Variants in CTNNA2 observed in about 807,000 individuals in gnomAD.
CTNNA2 encodes the protein catenin alpha-2.
CTNNA2 carries 42 observed loss-of-function variants against 101.0 expected under a neutral mutation model. The ratio of observed to expected loss-of-function variants is 0.42; its 90% CI spans 0.32 to 0.54. The LOEUF is 0.54. Among genes scored for constraint, CTNNA2 ranks in the 20% least tolerant of loss-of-function variants. The pLI is 0.14. For synonymous variants in CTNNA2, 450 were observed against 456.4 expected (o/e 0.99, Z 0.18); for missense variants, 871 against 1,223.1 (o/e 0.71, Z 4.29).
chr2:80,047,594 A>G (rs116184494), intron 7 of CTNNA2, among the ~76,000 whole-genome samples: 2,527 of 152,242 alleles, frequency 0.017, 67 homozygotes, highest in African/African-American at 0.058. Flanking sequence ...AGCAGCCTAC[A>G]TGGGCTCAGT....
At chr2:79,285,155 T>C (rs1675530121) in intron 2 of CTNNA2, among the ~76,000 whole-genome samples, 1 of 152,022 alleles carries the variant, frequency 6.6e-6, no homozygotes, top group South Asian at 2.1e-4. Flanking sequence ...TTTTTCTTTA[T>C]TAGTCTTGCT....
intron 7 of CTNNA2, among the ~76,000 whole-genome samples, chr2:80,150,048 C>G (rs1014644741): frequency 6.6e-6 from 1 of 152,166 alleles, no homozygotes; most frequent in Non-Finnish European, 1.5e-5. Context: ...CAGAGGCCCT[C>G]TGCACATCTT....
chr2:80,616,917 C>G lies in CTNNA2; in HGVS notation c.2431-2168C>G, dbSNP rs1698900368. The stretch of plus-strand genomic sequence containing the variant: ...CCACTCTGCATCCTTTTGATGCAGC[C>G]TAGTTTTGCATTGGGTTCCTGAAGT... On this transcript the variant is annotated intron_variant, in intron 17 of 18. Coordinates refer to ENST00000402739, the MANE Select transcript of CTNNA2 (RefSeq NM_001282597.3). Among the ~76,000 whole-genome samples the G allele has an allele frequency of 2.6e-5, 4 of 151,682 alleles. No homozygotes were observed. In the Admixed American group the frequency reaches 2.6e-4, roughly 10 times the overall value.
rs1408908534 is a variant in CTNNA2, at chr2:80,026,755, G to T, written c.1056+116958G>T. 2.6e-5 allele frequency among the ~76,000 whole-genome samples: 4 copies of T among 152,146 alleles called. No homozygotes were observed. The East Asian group carries it at 7.7e-4, about 29-fold the overall frequency. On this transcript the variant is annotated intron_variant, in intron 7 of 18. Transcript: ENST00000402739. ...GTTTCTTAAGAAACTAAGGTATGAA[G>T]TGTAGCTGAAATACTATTACAAATA...
chr2:79,321,861 A>G (rs1451627119), intron 3 of CTNNA2, among the ~76,000 whole-genome samples: 2 of 152,060 alleles, frequency 1.3e-5, no homozygotes, highest in Admixed American at 6.6e-5. Context: ...ACATTCTCAG[A>G]GCAGTACATG....
chr2:79,718,271 T>C (rs1415659769), intron 2 of CTNNA2, among the ~76,000 whole-genome samples: 3 of 152,204 alleles, frequency 2.0e-5, no homozygotes, highest in Non-Finnish European at 4.4e-5. Context: ...ATTTTCTCTT[T>C]TCTTAAAAAT....
At chr2:80,313,408 T>C (rs911374396) in intron 7 of CTNNA2, 12 of 1,431,332 alleles carry the variant, frequency 8.4e-6, no homozygotes, top group Non-Finnish European at 1.1e-5. Flanking sequence ...ATGTGGTGCC[T>C]ACCCTGTGTG....
At chr2:80,448,666 CATTT>C (rs1304632128) in intron 9 of CTNNA2, among the ~76,000 whole-genome samples, 4 of 152,036 alleles carry the variant, frequency 2.6e-5, no homozygotes, top group African/African-American at 9.7e-5. Context: ...TTCTTGTTAG[CATTT>C]ATTTATTTAT....
intron 1 of CTNNA2, among the ~76,000 whole-genome samples, chr2:79,196,539 T>A (rs1055049740): frequency 6.6e-6 from 1 of 152,284 alleles, no homozygotes; most frequent in African/African-American, 2.4e-5. Flanking sequence ...AGTATGAGAG[T>A]CTGATTTTAC....
intron 7 of CTNNA2, among the ~76,000 whole-genome samples, chr2:80,047,893 TGTA>T (rs981029016): frequency 3.9e-5 from 6 of 152,312 alleles, no homozygotes; most frequent in Non-Finnish European, 5.9e-5. Context: ...TGAGCAATCA[TGTA>T]GTCCTCACAA....
chr2:79,287,812 C>G (rs1276215607), intron 2 of CTNNA2, among the ~76,000 whole-genome samples: 1 of 152,230 alleles, frequency 6.6e-6, no homozygotes, highest in African/African-American at 2.4e-5. Context: ...TTTACCTAAG[C>G]AAGCCTGGGC....
chr2:79,993,396 G>A (rs1335635902), intron 7 of CTNNA2, among the ~76,000 whole-genome samples: 3 of 152,218 alleles, frequency 2.0e-5, no homozygotes, highest in South Asian at 2.1e-4. Flanking sequence ...ACAGCTCTTG[G>A]CACATCTTCA....
intron 2 of CTNNA2, among the ~76,000 whole-genome samples, chr2:79,743,793 C>G (rs1671461061): frequency 6.6e-6 from 1 of 152,110 alleles, no homozygotes; most frequent in South Asian, 2.1e-4. Context: ...CTCAGCCTCC[C>G]AAAGTGTTGG....
intron 9 of CTNNA2, 150 bp downstream of exon 9, chr2:80,419,751 A>G: frequency 1.3e-6 from 1 of 756,972 alleles, no homozygotes; most frequent in Admixed American, 3.4e-5. Context: ...TGATTACTGT[A>G]CCCCCTTTCG....
intron 7 of CTNNA2, among the ~76,000 whole-genome samples, chr2:80,004,316 T>C (rs1693174820): frequency 1.3e-5 from 2 of 152,142 alleles, no homozygotes; most frequent in African/African-American, 4.8e-5. Context: ...ATGCATGCTG[T>C]AAGTGATAAG....
At chr2:79,274,701 A>T (rs1180246649) in intron 2 of CTNNA2, among the ~76,000 whole-genome samples, 1 of 152,050 alleles carries the variant, frequency 6.6e-6, no homozygotes, top group African/African-American at 2.4e-5. Context: ...TATTATGTGG[A>T]TCCTTTTAAA....
rs539143372 is a variant in CTNNA2, at chr2:79,404,666, G to C, written c.-135+30653G>C. On this transcript the variant is annotated intron_variant, in intron 4 of 21. Coordinates refer to the CTNNA2 transcript ENST00000466387. ...CATTCAGGCCCCACAATGGGCATGA[G>C]AGAAAAGGCTGAGCAGCTGTGGAAC... Among the ~76,000 whole-genome samples, 9 of 152,178 alleles carry C rather than the reference G, an allele frequency of 5.9e-5. No individual in the cohort carries two copies. The South Asian group carries it at 1.9e-3, about 32-fold the overall frequency.
chr2:80,265,487 T>C (rs1228287958), intron 7 of CTNNA2, among the ~76,000 whole-genome samples: 1 of 152,208 alleles, frequency 6.6e-6, no homozygotes, highest in South Asian at 2.1e-4. Context: ...CTGGAGACAT[T>C]TGGAATTTCC....
intron 2 of CTNNA2, among the ~76,000 whole-genome samples, chr2:79,267,315 A>G (rs917844042): frequency 2.6e-5 from 4 of 152,112 alleles, no homozygotes; most frequent in African/African-American, 7.2e-5. Flanking sequence ...TCCAAAATAA[A>G]GACACTGGCA....
Sources: gnomAD v4.1 joint callset for allele counts (sites outside exome capture counted in the v4.1 genomes callset) on GRCh38, gnomAD v4.1.1 for gene constraint, MANE v1.5 for transcripts, NCBI Gene and HGNC (gene_info 2026-07-23, HGNC 2026-07-21) for gene names.